The following LYPD5 variants were observed in gnomAD, a reference collection of about 807,000 sequenced individuals.
LYPD5 encodes the protein LY6/PLAUR domain containing 5.
A neutral mutation model predicts 19.1 loss-of-function variants in LYPD5; 21 were observed. The ratio of observed to expected loss-of-function variants is 1.10; its 90% CI spans 0.78 to 1.58. LYPD5 has a LOEUF of 1.58. Ranked by LOEUF, LYPD5 falls within the 40% of genes most tolerant of loss-of-function variation. The pLI is 0.00. For missense variants in LYPD5, 287 were observed against 329.8 expected, an observed-to-expected ratio of 0.87 and a Z score of 1.00; for synonymous variants, 128 against 142.7, an observed-to-expected ratio of 0.90 and a Z score of 0.74.
chr19:43,805,438 G>A (rs147279081), upstream of LYPD5, among the ~76,000 whole-genome samples: 5 of 152,220 alleles, frequency 3.3e-5, no homozygotes, highest in African/African-American at 1.2e-4. Context: ...ATTTTCTTTT[G>A]GAACTCTAGT....
At chr19:43,803,053 C>G (rs1004092381), upstream of LYPD5, among the ~76,000 whole-genome samples, 3 of 151,816 alleles carry the variant, frequency 2.0e-5, no homozygotes, top group Non-Finnish European at 4.4e-5. Flanking sequence ...AAAAGAGAAA[C>G]AGAGAGAGAG....
chr19:43,813,017 G>A (rs933150123), intron 1 of LYPD5, among the ~76,000 whole-genome samples: 11 of 152,064 alleles, frequency 7.2e-5, no homozygotes, highest in African/African-American at 2.4e-4. Context: ...CCCCACCTCC[G>A]GAATCAAGTC....
chr19:43,799,956 C>T (rs1970201826), intron 1 of LYPD5, 122 bp from the exon 2 acceptor site: 2 of 1,168,694 alleles, frequency 1.7e-6, no homozygotes, highest in Non-Finnish European at 2.4e-6. Context: ...GGAAGACACG[C>T]CTTGAGAGAC....
At chr19:43,800,823 T>C (rs778575219) in intron 1 of LYPD5, among the ~76,000 whole-genome samples, 2 of 151,722 alleles carry the variant, frequency 1.3e-5, no homozygotes, top group Non-Finnish European at 2.9e-5. Context: ...TAGCTGGGCA[T>C]GGTGGTGCAC....
intron 1 of LYPD5, among the ~76,000 whole-genome samples, chr19:43,818,736 C>T (rs969187368): frequency 1.3e-5 from 2 of 152,056 alleles, no homozygotes; most frequent in African/African-American, 2.4e-5. Context: ...TTCCAGAGGC[C>T]CCAGGCACAG....
rs1970131445 is a variant in LYPD5 at position 43,796,505 on chromosome 19, A to C, written c.*1086T>G. 1 of 152,524 alleles carries C rather than the reference A, an allele frequency of 6.6e-6. No homozygotes were observed. Among genetic ancestry groups the C allele is most frequent in the African/African-American group, 2.4e-5 (1 of 41,434 alleles). The allele number at this position is 152,524 out of a possible 1,614,324, so 9.4% of individuals were successfully genotyped here. Reference sequence around the variant, plus strand: ...CTCCTGCTTCTTTTTGCCAGCTACTATTGATCCTTTAGGATTTTGCTCAAG... The same window carrying C: ...CTCCTGCTTCTTTTTGCCAGCTACTCTTGATCCTTTAGGATTTTGCTCAAG... On this transcript the variant is annotated 3_prime_UTR_variant, in exon 5 of 5. Transcript: ENST00000377950.
At chr19:43,809,712 T>C (rs1970303670) in intron 1 of LYPD5, among the ~76,000 whole-genome samples, 1 of 152,230 alleles carries the variant, frequency 6.6e-6, no homozygotes, top group Admixed American at 6.5e-5. Context: ...GATTTAAACA[T>C]AGAATTCAAC....
intron 1 of LYPD5, among the ~76,000 whole-genome samples, chr19:43,819,082 T>C (rs1329118969): frequency 1.3e-5 from 2 of 152,130 alleles, no homozygotes; most frequent in Non-Finnish European, 2.9e-5. Context: ...AATCTATTTT[T>C]TAATTATCTC....
rs1970175314 is a variant in LYPD5, at chr19:43,798,811, C to G, written c.370+1G>C. ...GAGCCCAGCCCCGCTCTCCCGCGCA[C>G]CTTGGCTCAGGTTGGGGAGGGCGTC... On this transcript the variant is annotated splice_donor_variant, in intron 3 of 4. Transcript: ENST00000377950. LOFTEE classifies it high-confidence loss of function. 6.2e-7 allele frequency: 1 copy of G among 1,607,732 alleles called. No homozygotes were observed. Among genetic ancestry groups the G allele is most frequent in the Admixed American group, 1.7e-5 (1 of 58,918 alleles).
intron 1 of LYPD5, among the ~76,000 whole-genome samples, chr19:43,811,198 G>A (rs987136542): frequency 6.6e-6 from 1 of 152,164 alleles, no homozygotes; most frequent in African/African-American, 2.4e-5. Context: ...CATGGGGCTG[G>A]GTGCCATGGC....
chr19:43,814,572 G>A (rs1020447732), intron 1 of LYPD5, among the ~76,000 whole-genome samples: 1 of 152,196 alleles, frequency 6.6e-6, no homozygotes, highest in Admixed American at 6.5e-5. Flanking sequence ...ACCACTGCCT[G>A]TAGGACCCAC....
chr19:43,806,639 C>CGACA (rs1210826451), upstream of LYPD5, among the ~76,000 whole-genome samples: 6 of 151,250 alleles, frequency 4.0e-5, no homozygotes, highest in African/African-American at 1.5e-4. Flanking sequence ...CCAGCCTGGG[C>CGACA]GACACAGCAA....
At chr19:43,801,575 TA>T (rs1568403984) in intron 1 of LYPD5, among the ~76,000 whole-genome samples, 1 of 152,158 alleles carries the variant, frequency 6.6e-6, no homozygotes, top group Non-Finnish European at 1.5e-5. Flanking sequence ...CACAGATACA[TA>T]AACACAGACA....
Position 43,798,836 on chromosome 19 carries a change from C to A in LYPD5, c.346G>T (p.Asp116Tyr). 1 of 1,610,748 alleles carries A rather than the reference C, an allele frequency of 6.2e-7. No homozygotes were observed. The highest frequency in any genetic ancestry group is 8.5e-7 in the Non-Finnish European group (1 of 1,178,640). Residue 116 changes from aspartate (D) to tyrosine (Y), a missense_variant, in exon 3 of 5, where the codon GAC becomes TAC. Coordinates refer to ENST00000377950, the MANE Select transcript of LYPD5 (RefSeq NM_001031749.3). ...CCTTGGCTCAGGTTGGGGAGGGCGT[C>A]ATGAGTCATGAGGTGGGCGTTGCAT... ...DKCNAHLMTH[D>Y]ALPNLSQAPD... is the part of the protein sequence containing the mutation.
intron 1 of LYPD5, among the ~76,000 whole-genome samples, chr19:43,818,914 T>C (rs1206027123): frequency 6.6e-6 from 1 of 152,238 alleles, no homozygotes; most frequent in Non-Finnish European, 1.5e-5. Context: ...TTTCTGTCTC[T>C]TCTTGTCAAT....
intron 1 of LYPD5, among the ~76,000 whole-genome samples, chr19:43,819,283 C>CT (rs560659624): frequency 0.3 from 33,114 of 110,320 alleles, 5,736 homozygotes; most frequent in South Asian, 0.53. Context: ...TCTTCTTCTT[C>CT]TTTTTTTTTT....
chr19:43,799,122 AC>A (rs1337407767), intron 2 of LYPD5, 134 bp from the exon 3 acceptor site: 7 of 526,856 alleles, frequency 1.3e-5, no homozygotes, highest in African/African-American at 1.0e-4. Context: ...CCTTCCTCTC[AC>A]CCCCAGACCT....
chr19:43,798,784 C>A (rs1215217074), intron 3 of LYPD5, 28 bp downstream of exon 3: 1 of 1,590,014 alleles, frequency 6.3e-7, no homozygotes, highest in Non-Finnish European at 8.6e-7. Context: ...TCGTCCCTCC[C>A]GGAGCCCAGC....
At chr19:43,799,039 CCA>C (rs1970181770) in intron 2 of LYPD5, 51 bp from the exon 3 acceptor site, 2 of 1,504,126 alleles carry the variant, frequency 1.3e-6, no homozygotes, top group Admixed American at 4.3e-5. Context: ...CCTTCTCCCT[CCA>C]GTCTCAGCGT....
Sources: gnomAD v4.1 joint callset for allele counts (sites outside exome capture counted in the v4.1 genomes callset) on GRCh38, gnomAD v4.1.1 for gene constraint, MANE v1.5 for transcripts, NCBI Gene and HGNC (gene_info 2026-07-23, HGNC 2026-07-21) for gene names.